TRPC4: variants seen among roughly 807,000 people sequenced by gnomAD.
TRPC4 encodes the protein transient receptor potential cation channel subfamily C member 4, also known as short transient receptor potential channel 4.
TRPC4 carries 49 observed loss-of-function variants against 99.4 expected under a neutral mutation model. That is an observed-to-expected ratio of 0.49 (90% CI 0.39 to 0.63). The LOEUF (loss-of-function observed/expected upper bound fraction) is 0.63, where lower values mean the gene tolerates loss of function less well. Ranked by LOEUF, TRPC4 falls within the 20% of genes least tolerant of loss-of-function variation. TRPC4 has a pLI of 0.00. For synonymous variants in TRPC4, 454 were observed against 425.9 expected (o/e 1.07, Z -0.81); for missense variants, 898 against 1,152.9 (o/e 0.78, Z 3.20).
chr13:37,716,676 T>C (rs1325679765), intron 3 of TRPC4, among the ~76,000 whole-genome samples: 3 of 152,198 alleles, frequency 2.0e-5, no homozygotes, highest in Non-Finnish European at 4.4e-5. Flanking sequence ...TGTTGATTCT[T>C]AAATATTTTT....
At chr13:37,851,416 A>G (rs886674436) in intron 1 of TRPC4, among the ~76,000 whole-genome samples, 9 of 152,232 alleles carry the variant, frequency 5.9e-5, no homozygotes, top group African/African-American at 2.2e-4. Context: ...TCAGCCTCAG[A>G]CTTTCTACTA....
At chr13:37,722,980 G>A (rs1444997828) in intron 3 of TRPC4, among the ~76,000 whole-genome samples, 1 of 152,142 alleles carries the variant, frequency 6.6e-6, no homozygotes, top group African/African-American at 2.4e-5. Context: ...CTCATACAGC[G>A]GGTGGGGAGG....
intron 6 of TRPC4, among the ~76,000 whole-genome samples, chr13:37,657,995 T>C (rs1952297771): frequency 6.6e-6 from 1 of 152,174 alleles, no homozygotes; most frequent in African/African-American, 2.4e-5. Flanking sequence ...CAATGAATTG[T>C]TCAGATAACA....
Position 37,732,678 on chromosome 13 carries a change from T to C in TRPC4, c.897+13259A>G, listed in dbSNP as rs115493533. ...TAGCGCTTCTACATGCTGATAACAA[T>C]CTAGCTGAGAACAAAATCAAGAAGG... On this transcript the variant is annotated intron_variant, in intron 3 of 10. Transcript: ENST00000379705. 8.8e-3 allele frequency among the ~76,000 whole-genome samples: 1,340 copies of C among 152,140 alleles called. 22 individuals carry two copies. Among genetic ancestry groups the C allele is most frequent in the African/African-American group, 0.03 (1,240 of 41,526 alleles).
chr13:37,645,748 C>T (rs776870981), intron 8 of TRPC4, among the ~76,000 whole-genome samples: 8 of 152,220 alleles, frequency 5.3e-5, no homozygotes, highest in Non-Finnish European at 8.8e-5. Flanking sequence ...CATCTGCTTA[C>T]TGCTTTTCAT....
intron 10 of TRPC4, among the ~76,000 whole-genome samples, chr13:37,638,195 A>G (rs576716715): frequency 1.3e-5 from 2 of 151,734 alleles, no homozygotes; most frequent in Non-Finnish European, 2.9e-5. Context: ...TTTTGGGACA[A>G]CTGAATTCTC....
intron 3 of TRPC4, among the ~76,000 whole-genome samples, chr13:37,730,057 A>G (rs1955193731): frequency 6.6e-6 from 1 of 152,126 alleles, no homozygotes; most frequent in East Asian, 1.9e-4. Flanking sequence ...CTGGCCACTC[A>G]GAAAGACTAC....
chr13:37,793,899 G>A (rs578148551), intron 1 of TRPC4, among the ~76,000 whole-genome samples: 9 of 152,156 alleles, frequency 5.9e-5, no homozygotes, highest in South Asian at 2.1e-4. Context: ...GTAAAAGGCA[G>A]GTAATATGTG....
chr13:37,644,396 G>T (rs967625226), intron 8 of TRPC4, among the ~76,000 whole-genome samples: 1 of 152,032 alleles, frequency 6.6e-6, no homozygotes, highest in Non-Finnish European at 1.5e-5. Context: ...AAGAAAATGG[G>T]TATTTAATTT....
chr13:37,686,868 T>G (rs775356968), intron 4 of TRPC4, among the ~76,000 whole-genome samples: 2 of 152,200 alleles, frequency 1.3e-5, no homozygotes, highest in Non-Finnish European at 2.9e-5. Flanking sequence ...ATGCTCACAA[T>G]GTCACGTCGC....
chr13:37,725,243 T>C (rs1955012850), intron 3 of TRPC4, among the ~76,000 whole-genome samples: 1 of 152,002 alleles, frequency 6.6e-6, no homozygotes, highest in African/African-American at 2.4e-5. Context: ...AAAGAACCTG[T>C]GAGACACCAT....
intron 2 of TRPC4, among the ~76,000 whole-genome samples, chr13:37,759,340 C>G (rs897873835): frequency 2.0e-5 from 3 of 151,560 alleles, no homozygotes; most frequent in Admixed American, 1.3e-4. Flanking sequence ...AGATTGTCTG[C>G]CCTGAGATTG....
chr13:37,841,023 AATTTTAT>A (rs1469727384), intron 1 of TRPC4, among the ~76,000 whole-genome samples: 2 of 152,066 alleles, frequency 1.3e-5, no homozygotes, highest in Admixed American at 6.6e-5. Flanking sequence ...CAAAGCCAAA[AATTTTAT>A]ATTATTGGTT....
intron 1 of TRPC4, among the ~76,000 whole-genome samples, chr13:37,830,801 T>G (rs1958399993): frequency 1.0e-5 from 1 of 95,738 alleles, no homozygotes; most frequent in Admixed American, 1.1e-4. Flanking sequence ...TATATATTTT[T>G]TGTATATATA....
chr13:37,783,930 A>G (rs995437110), intron 1 of TRPC4, among the ~76,000 whole-genome samples: 8 of 151,922 alleles, frequency 5.3e-5, no homozygotes, highest in African/African-American at 1.9e-4. Flanking sequence ...CTGGTCTCGA[A>G]CTCCTGGGCT....
chr13:37,707,486 A>G (rs1954323143), intron 3 of TRPC4, among the ~76,000 whole-genome samples: 1 of 152,168 alleles, frequency 6.6e-6, no homozygotes, highest in Non-Finnish European at 1.5e-5. Flanking sequence ...CACAGTCACA[A>G]GACATGAACA....
chr13:37,799,563 T>G (rs1016975883), intron 1 of TRPC4, among the ~76,000 whole-genome samples: 1 of 152,164 alleles, frequency 6.6e-6, no homozygotes, highest in Non-Finnish European at 1.5e-5. Context: ...AAAAAAGGGA[T>G]AACACTGACT....
rs185448154 is a variant in TRPC4, at chr13:37,707,946, G to A, written c.898-15611C>T. Among the ~76,000 whole-genome samples the A allele has an allele frequency of 3.9e-5, 6 of 152,152 alleles. No individual in the cohort carries two copies. In the East Asian group the frequency reaches 1.2e-3, roughly 29 times the overall value. On this transcript the variant is annotated intron_variant, in intron 3 of 10. Transcript: ENST00000379705. The stretch of plus-strand genomic sequence containing the variant: ...GAAGGAACTGTGCCTTTTCACTTTG[G>A]ACATCTTCTTGGACCTCTTTGATCT...
In TRPC4 at chr13:37,632,744, A is replaced by C. The variant is rs1951422819; in HGVS notation, c.*4159T>G. Reference sequence around the variant, plus strand: ...GCATACAGGTTATCATAAAATCTACACTTCCAGTGAAAATGAACAGTGTAT... The same window carrying C: ...GCATACAGGTTATCATAAAATCTACCCTTCCAGTGAAAATGAACAGTGTAT... On this transcript the variant is annotated 3_prime_UTR_variant, in exon 11 of 11. Coordinates refer to ENST00000379705, the MANE Select transcript of TRPC4 (RefSeq NM_016179.4). Among the ~76,000 whole-genome samples the C allele has an allele frequency of 6.6e-6, 1 of 152,218 alleles. No homozygotes were observed. Among genetic ancestry groups the C allele is most frequent in the South Asian group, 2.1e-4 (1 of 4,836 alleles).
Sources: allele counts gnomAD v4.1 joint callset (sites outside exome capture counted in the v4.1 genomes callset), GRCh38; gene constraint gnomAD v4.1.1; transcripts MANE v1.5; gene names NCBI Gene and HGNC (gene_info 2026-07-23, HGNC 2026-07-21).